The following CAMTA1 variants were observed in gnomAD, a reference collection of about 807,000 sequenced individuals.
CAMTA1 encodes the protein calmodulin binding transcription activator 1.
In CAMTA1, 27 loss-of-function variants were observed where a neutral mutation model predicts 170.9. That is an observed-to-expected ratio of 0.16 (90% CI 0.12 to 0.22). The LOEUF (loss-of-function observed/expected upper bound fraction) is 0.22, where lower values mean the gene tolerates loss of function less well. Among genes scored for constraint, CAMTA1 ranks in the 10% least tolerant of loss-of-function variants. The pLI, the probability that CAMTA1 is intolerant of heterozygous loss-of-function variation, is 1.00. For missense variants in CAMTA1, 1,619 were observed against 2,217.2 expected (o/e 0.73, Z 5.42); for synonymous variants, 833 against 891.5 (o/e 0.93, Z 1.17).
intron 3 of CAMTA1, among the ~76,000 whole-genome samples, chr1:6,856,166 A>G (rs930599236): frequency 6.6e-6 from 1 of 152,056 alleles, no homozygotes; most frequent in African/African-American, 2.4e-5. Context: ...GCTTGTAGAG[A>G]TGGGTACTGG....
chr1:7,330,376 G>A (rs1298321837), intron 5 of CAMTA1, among the ~76,000 whole-genome samples: 2 of 152,224 alleles, frequency 1.3e-5, no homozygotes, highest in East Asian at 3.8e-4. Flanking sequence ...TGCAGCTGCT[G>A]CTGGGGAAGA....
chr1:7,158,051 C>T (rs926031500), intron 4 of CAMTA1, among the ~76,000 whole-genome samples: 21 of 151,928 alleles, frequency 1.4e-4, no homozygotes, highest in African/African-American at 4.4e-4. Flanking sequence ...CCCAGCTACT[C>T]GGGAGGCTGA....
At chr1:7,386,014 C>A (rs2087923502) in intron 5 of CAMTA1, among the ~76,000 whole-genome samples, 2 of 152,314 alleles carry the variant, frequency 1.3e-5, no homozygotes, top group Middle Eastern at 3.4e-3. Context: ...GAAGCCCACC[C>A]TGGCTCCTCC....
At chr1:7,679,314 C>A (rs1015889133) in intron 11 of CAMTA1, among the ~76,000 whole-genome samples, 3 of 152,198 alleles carry the variant, frequency 2.0e-5, no homozygotes, top group Non-Finnish European at 4.4e-5. Flanking sequence ...ACTGTAGGAC[C>A]CTGCCTGGCA....
chr1:7,217,198 G>A (rs995840478), intron 4 of CAMTA1, among the ~76,000 whole-genome samples: 2 of 152,132 alleles, frequency 1.3e-5, no homozygotes, highest in South Asian at 2.1e-4. Flanking sequence ...AGATCTGATC[G>A]TTTTATAAGG....
chr1:7,309,928 C>T (rs1056859719), intron 5 of CAMTA1, among the ~76,000 whole-genome samples: 5 of 151,914 alleles, frequency 3.3e-5, no homozygotes, highest in Non-Finnish European at 4.4e-5. Context: ...TTGCTTTCAA[C>T]CATCAAAAAT....
At chr1:6,984,519 CAG>C (rs1015726526) in intron 3 of CAMTA1, among the ~76,000 whole-genome samples, 3 of 152,066 alleles carry the variant, frequency 2.0e-5, no homozygotes, top group African/African-American at 4.8e-5. Flanking sequence ...GAGGCTAAGA[CAG>C]GGGAATCACT....
chr1:6,815,822 C>T (rs1447448142), intron 1 of CAMTA1, among the ~76,000 whole-genome samples: 2 of 152,150 alleles, frequency 1.3e-5, no homozygotes, highest in African/African-American at 2.4e-5. Flanking sequence ...CAGGTTCTCC[C>T]TCAGACCTGT....
chr1:7,744,399 T>C (rs2096842420), intron 16 of CAMTA1, among the ~76,000 whole-genome samples: 1 of 152,206 alleles, frequency 6.6e-6, no homozygotes. Flanking sequence ...CCCAAAGTGC[T>C]GGGATTACAG....
intron 5 of CAMTA1, among the ~76,000 whole-genome samples, chr1:7,375,277 G>T (rs935826159): frequency 6.6e-6 from 1 of 152,056 alleles, no homozygotes; most frequent in African/African-American, 2.4e-5. Flanking sequence ...TAGAGAGGAC[G>T]CCAGTGCATG....
chr1:7,498,535 G>A (rs888709187), intron 6 of CAMTA1, among the ~76,000 whole-genome samples: 2 of 152,020 alleles, frequency 1.3e-5, no homozygotes, highest in Non-Finnish European at 2.9e-5. Flanking sequence ...ATGTTGTGTT[G>A]CATGTGTGCA....
chr1:7,138,175 T>C (rs190834704), intron 4 of CAMTA1, among the ~76,000 whole-genome samples: 1 of 152,178 alleles, frequency 6.6e-6, no homozygotes, highest in East Asian at 1.9e-4. Context: ...TTTGTAGAAA[T>C]GGAGTCTCAC....
At chr1:7,389,980 A>G (rs530814668) in intron 5 of CAMTA1, among the ~76,000 whole-genome samples, 1 of 152,230 alleles carries the variant, frequency 6.6e-6, no homozygotes, top group Admixed American at 6.5e-5. Flanking sequence ...TTCCATTGTG[A>G]TGCTGCACAA....
chr1:7,234,700 G>T lies in CAMTA1; in HGVS notation c.303-14791G>T, dbSNP rs772767167. ...TCATTACCATCTCTCCAAATGGGCA[G>T]CCTCTTCTTTTCAGGGACCTCCAGA... On this transcript the variant is annotated intron_variant, in intron 4 of 22. Transcript: ENST00000303635. This position sits in a 1 kb window ranked among gnomAD's most constrained non-coding sequence, Gnocchi z 5.0. Among the ~76,000 whole-genome samples, 5 of 152,082 alleles carry T rather than the reference G, an allele frequency of 3.3e-5. No individual in the cohort carries two copies. Among genetic ancestry groups the T allele is most frequent in the African/African-American group, 1.2e-4 (5 of 41,400 alleles).
chr1:6,915,107 T>C (rs1680508465), intron 3 of CAMTA1, among the ~76,000 whole-genome samples: 1 of 152,212 alleles, frequency 6.6e-6, no homozygotes, highest in Non-Finnish European at 1.5e-5. Context: ...ATTTTTCAAT[T>C]CATTACTTTT....
intron 5 of CAMTA1, among the ~76,000 whole-genome samples, chr1:7,409,356 C>A (rs1047118499): frequency 6.6e-6 from 1 of 152,238 alleles, no homozygotes; most frequent in African/African-American, 2.4e-5. Flanking sequence ...TCCATCAGAG[C>A]TGGCCCTTCT....
chr1:7,549,198 T>C lies in CAMTA1; in HGVS notation c.510+81297T>C, dbSNP rs1012308996. Among the ~76,000 whole-genome samples the C allele has an allele frequency of 5.1e-4, 77 of 150,114 alleles. 1 individual carries two copies. Among genetic ancestry groups the C allele is most frequent in the Non-Finnish European group, 1.1e-3 (71 of 67,380 alleles). On this transcript the variant is annotated intron_variant, in intron 6 of 22. Coordinates refer to ENST00000303635, the MANE Select transcript of CAMTA1 (RefSeq NM_015215.4). The stretch of plus-strand genomic sequence containing the variant: ...CACCCCTTATGGGTGGAGGTGCCCG[T>C]GGAGGGTGCCCCCTTAGGGGTGGAG...
intron 4 of CAMTA1, among the ~76,000 whole-genome samples, chr1:7,178,955 G>C (rs1442040335): frequency 6.6e-6 from 1 of 152,206 alleles, no homozygotes; most frequent in East Asian, 1.9e-4. Flanking sequence ...GAGCTGTCCA[G>C]GATGCTGGCT....
At chr1:6,885,729 A>G (rs1673021181) in intron 3 of CAMTA1, among the ~76,000 whole-genome samples, 1 of 152,128 alleles carries the variant, frequency 6.6e-6, no homozygotes, top group Admixed American at 6.5e-5. Flanking sequence ...GAAAGCAGAG[A>G]AATACCAAAC....
Sources: gnomAD v4.1 joint callset for allele counts (sites outside exome capture counted in the v4.1 genomes callset) on GRCh38, gnomAD v4.1.1 for gene constraint, Gnocchi (gnomAD v3.1) non-coding constraint, MANE v1.5 for transcripts, NCBI Gene and HGNC (gene_info 2026-07-23, HGNC 2026-07-21) for gene names.